AGAP1: variants seen among roughly 807,000 people sequenced by gnomAD.
AGAP1 encodes arf-GAP with GTPase, ANK repeat and PH domain-containing protein 1.
In AGAP1, 29 loss-of-function variants were observed where a neutral mutation model predicts 105.3. The ratio of observed to expected loss-of-function variants is 0.28; its 90% CI spans 0.21 to 0.38. AGAP1 has a LOEUF of 0.38. AGAP1 is among the 10% of genes least tolerant of loss of function. AGAP1 has a pLI of 1.00. For missense variants in AGAP1, 998 were observed against 1,165.1 expected, an observed-to-expected ratio of 0.86 and a Z score of 2.09; for synonymous variants, 509 against 485.9, an observed-to-expected ratio of 1.05 and a Z score of -0.63.
chr2:236,106,337 G>A (rs557362428), intron 16 of AGAP1, among the ~76,000 whole-genome samples: 22 of 152,276 alleles, frequency 1.4e-4, no homozygotes, highest in African/African-American at 4.6e-4. Context: ...AGTGGGAAGC[G>A]GATGTCCATA....
In AGAP1 at chr2:235,897,541, C is replaced by T. The variant is rs530733388; in HGVS notation, c.1156-11197C>T. The stretch of plus-strand genomic sequence containing the variant: ...GCTTCCAGTGGAATCCAAGGGACAT[C>T]GTCCTACCAGTATGCCGCGTGATAT... On this transcript the variant is annotated intron_variant, in intron 10 of 17. Coordinates refer to ENST00000304032, the MANE Select transcript of AGAP1 (RefSeq NM_001037131.3). Among the ~76,000 whole-genome samples the T allele has an allele frequency of 8.5e-4, 130 of 152,284 alleles. 1 individual carries two copies. The highest frequency in any genetic ancestry group is 3.0e-3 in the African/African-American group (126 of 41,562).
chr2:236,060,603 G>C (rs1209430987), intron 16 of AGAP1, among the ~76,000 whole-genome samples: 1 of 152,030 alleles, frequency 6.6e-6, no homozygotes, highest in Non-Finnish European at 1.5e-5. Context: ...GCTGAGGCAG[G>C]AGGATTGCTT....
At chr2:235,717,868 A>G (rs1260367332) in intron 3 of AGAP1, among the ~76,000 whole-genome samples, 1 of 152,194 alleles carries the variant, frequency 6.6e-6, no homozygotes, top group East Asian at 1.9e-4. Flanking sequence ...ATGAAATACT[A>G]TTGAATTTAT....
At chr2:236,019,376 G>A (rs1325594254) in intron 13 of AGAP1, among the ~76,000 whole-genome samples, 2 of 152,200 alleles carry the variant, frequency 1.3e-5, no homozygotes, top group African/African-American at 2.4e-5. Flanking sequence ...TGCTCTGGGG[G>A]CTTTGTGGAG....
At chr2:236,057,037 C>G (rs1576190931) in intron 16 of AGAP1, among the ~76,000 whole-genome samples, 2 of 152,194 alleles carry the variant, frequency 1.3e-5, no homozygotes. Flanking sequence ...CAGTGTCTTT[C>G]CACTTCACAG....
At chr2:235,807,460 T>A (rs1957895314) in intron 9 of AGAP1, 129 bp downstream of exon 9, 4 of 706,708 alleles carry the variant, frequency 5.7e-6, no homozygotes, top group Admixed American at 7.2e-5. Context: ...AGTCTCTCAC[T>A]TGACATCAAT....
At chr2:235,774,470 C>A in intron 6 of AGAP1, 1 of 424,150 alleles carries the variant, frequency 2.4e-6, no homozygotes, top group Non-Finnish European at 4.9e-6. Context: ...TTGGGCAAGA[C>A]CAGTAGGCTA....
rs1247205269 is a variant in AGAP1, at chr2:235,988,199, C to T, written c.1645+19576C>T. On this transcript the variant is annotated intron_variant, in intron 13 of 17. Coordinates refer to ENST00000304032, the MANE Select transcript of AGAP1 (RefSeq NM_001037131.3). This position sits in a 1 kb window ranked among gnomAD's most constrained non-coding sequence, Gnocchi z 4.7. ...ATGGGGTTAAAGGTGCCCACCACCA[C>T]GCCCAGCTAATTTTTGTGTTTTTAG... is the stretch of plus-strand genomic sequence containing the variant. Among the ~76,000 whole-genome samples, 2 of 152,116 alleles carry T rather than the reference C, an allele frequency of 1.3e-5. No individual in the cohort carries two copies. Among genetic ancestry groups the T allele is most frequent in the African/African-American group, 4.8e-5 (2 of 41,414 alleles).
rs540775923 is a variant in AGAP1 at position 235,669,499 on chromosome 2, T to TCGC, written c.164-39661_164-39659dup. 189 of 150,254 alleles carry TCGC rather than the reference T, an allele frequency of 1.3e-3. 2 individuals are homozygous for TCGC. In the South Asian group the frequency reaches 0.016, roughly 12 times the overall value. The allele number at this position is 150,254 out of a possible 1,614,324, so 9.3% of individuals were successfully genotyped here. ...CGCTTGGGCCTGCACGCCGCCGCGC[T>TCGC]CGCCGCCGCCGCCGCCGCCGCGCTC... On this transcript the variant is annotated intron_variant, in intron 1 of 17. Transcript: ENST00000304032.
chr2:235,983,122 CAG>C lies in AGAP1; in HGVS notation c.1645+14500_1645+14501del, dbSNP rs2055163180. ...CATTTGCTGAGCAGGAAGCTGGCCT[CAG>C]GGGTCTCCCAGGATGCTGGGGCTGG... On this transcript the variant is annotated intron_variant, in intron 13 of 17. Transcript: ENST00000304032. This position sits in a 1 kb window ranked among gnomAD's most constrained non-coding sequence, Gnocchi z 4.5. 6.6e-6 allele frequency among the ~76,000 whole-genome samples: 1 copy of C among 152,136 alleles called. No individual in the cohort carries two copies. Among genetic ancestry groups the C allele is most frequent in the Admixed American group, 6.5e-5 (1 of 15,286 alleles).
chr2:236,033,371 G>A (rs1042433604), intron 13 of AGAP1, among the ~76,000 whole-genome samples: 1 of 152,190 alleles, frequency 6.6e-6, no homozygotes, highest in Non-Finnish European at 1.5e-5. Context: ...GTTCCCCTAA[G>A]TAGAGTTTGC....
intron 9 of AGAP1, among the ~76,000 whole-genome samples, chr2:235,837,322 G>T (rs1960288643): frequency 6.6e-6 from 1 of 152,148 alleles, no homozygotes; most frequent in African/African-American, 2.4e-5. Context: ...GGCTAAATAT[G>T]ATTAACAGCG....
intron 1 of AGAP1, among the ~76,000 whole-genome samples, chr2:235,563,154 G>A (rs902763942): frequency 5.9e-5 from 9 of 152,326 alleles, no homozygotes; most frequent in African/African-American, 2.2e-4. Flanking sequence ...CAGCATCTCT[G>A]TTGTACTTGG....
chr2:235,877,410 G>A lies in AGAP1; in HGVS notation c.1051-5935G>A, dbSNP rs888921655. Among the ~76,000 whole-genome samples the A allele has an allele frequency of 2.0e-5, 3 of 152,180 alleles. No individual in the cohort carries two copies. The highest frequency in any genetic ancestry group is 4.4e-5 in the Non-Finnish European group (3 of 68,046). The stretch of plus-strand genomic sequence containing the variant: ...AGGGGTTAGGGATGACGGTTGCAGG[G>A]CAGGCTCCTTTGGTGTCAGCTGCCT... On this transcript the variant is annotated intron_variant, in intron 9 of 17. Transcript: ENST00000304032. The surrounding 1 kb of genome is among the most constrained non-coding windows in gnomAD (Gnocchi z 4.3).
At chr2:235,907,353 C>A (rs1165753957) in intron 10 of AGAP1, among the ~76,000 whole-genome samples, 1 of 151,980 alleles carries the variant, frequency 6.6e-6, no homozygotes, top group Non-Finnish European at 1.5e-5. Flanking sequence ...TGCCTGTAAC[C>A]CCAGTGCTTT....
At position 235,569,363 on chromosome 2, in the gene AGAP1, C is replaced by G. The variant is rs1944447335; in HGVS notation, c.163+74514C>G. Among the ~76,000 whole-genome samples the G allele has an allele frequency of 2.0e-5, 3 of 152,188 alleles. No individual in the cohort carries two copies. The highest frequency in any genetic ancestry group is 2.0e-4 in the Admixed American group (3 of 15,266). ...TACATGACCCCGAGTGGGTGCCTCT[C>G]CTGGCCAGGTGTCCCCTTGTGTATG... On this transcript the variant is annotated intron_variant, in intron 1 of 17. Coordinates refer to ENST00000304032, the MANE Select transcript of AGAP1 (RefSeq NM_001037131.3). This position sits in a 1 kb window ranked among gnomAD's most constrained non-coding sequence, Gnocchi z 5.9.
Position 235,559,526 on chromosome 2 carries a change from T to C in AGAP1, c.163+64677T>C, listed in dbSNP as rs1377803708. Among the ~76,000 whole-genome samples, 1 of 152,176 alleles carries C rather than the reference T, an allele frequency of 6.6e-6. No individual in the cohort carries two copies. ...TTATGTAAATAATGTGTACTCAGTG[T>C]AGAAAAAATTAGCACAGGAAATAGA... On this transcript the variant is annotated intron_variant, in intron 1 of 17. Coordinates refer to ENST00000304032, the MANE Select transcript of AGAP1 (RefSeq NM_001037131.3). The surrounding 1 kb of genome is among the most constrained non-coding windows in gnomAD (Gnocchi z 5.7).
In AGAP1 at chr2:235,991,176, A is replaced by T. The variant is rs550245122; in HGVS notation, c.1645+22553A>T. On this transcript the variant is annotated intron_variant, in intron 13 of 17. Coordinates refer to ENST00000304032, the MANE Select transcript of AGAP1 (RefSeq NM_001037131.3). ...TTACCTAGATTTTTGTGTTGTACTT[A>T]TTCTCTGGTAATATGACTGGAGAAG... 2.0e-5 allele frequency among the ~76,000 whole-genome samples: 3 copies of T among 152,336 alleles called. No homozygotes were observed. In the South Asian group the frequency reaches 6.2e-4, roughly 32 times the overall value.
rs2058628701 is a variant in AGAP1, at chr2:236,076,043, C to T, written c.2114+26762C>T. Among the ~76,000 whole-genome samples the T allele has an allele frequency of 1.3e-5, 2 of 152,224 alleles. No individual in the cohort carries two copies. Among genetic ancestry groups the T allele is most frequent in the Admixed American group, 6.5e-5 (1 of 15,284 alleles). ...GGGGTCTGGGGGCAGCTCTGCTCCT[C>T]ACCAAGGCCCAAGACCCGTGCTGTC... On this transcript the variant is annotated intron_variant, in intron 16 of 17. Coordinates refer to ENST00000304032, the MANE Select transcript of AGAP1 (RefSeq NM_001037131.3). This position sits in a 1 kb window ranked among gnomAD's most constrained non-coding sequence, Gnocchi z 4.4.
Sources: gnomAD v4.1 joint callset for allele counts (sites outside exome capture counted in the v4.1 genomes callset) on GRCh38, gnomAD v4.1.1 for gene constraint, Gnocchi (gnomAD v3.1) non-coding constraint, MANE v1.5 for transcripts, NCBI Gene and HGNC (gene_info 2026-07-23, HGNC 2026-07-21) for gene names.